Variants in DLGAP2 observed in about 807,000 individuals in gnomAD.
DLGAP2 encodes the protein disks large-associated protein 2.
DLGAP2 carries 26 observed loss-of-function variants against 100.3 expected under a neutral mutation model. That is an observed-to-expected ratio of 0.26 (90% CI 0.19 to 0.36). DLGAP2 has a LOEUF of 0.36. DLGAP2 is among the 10% of genes least tolerant of loss of function. The pLI is 1.00. For synonymous variants in DLGAP2, 886 were observed against 630.1 expected, an observed-to-expected ratio of 1.41 and a Z score of -6.08; for missense variants, 1,858 against 1,453.2, an observed-to-expected ratio of 1.28 and a Z score of -4.53.
chr8:1,590,004 G>T (rs1190515884), intron 6 of DLGAP2, among the ~76,000 whole-genome samples: 1 of 152,088 alleles, frequency 6.6e-6, no homozygotes, highest in Non-Finnish European at 1.5e-5. Context: ...TGAAATCAAG[G>T]TGTGGGCAAG....
intron 3 of DLGAP2, among the ~76,000 whole-genome samples, chr8:1,500,217 T>C (rs552350651): frequency 1.3e-5 from 2 of 152,368 alleles, no homozygotes; most frequent in South Asian, 2.1e-4. Flanking sequence ...TTCTCCCTTA[T>C]CTGATGCTCC....
chr8:1,193,873 A>G (rs866083088), intron 2 of DLGAP2, among the ~76,000 whole-genome samples: 4 of 151,972 alleles, frequency 2.6e-5, no homozygotes, highest in Non-Finnish European at 5.9e-5. Flanking sequence ...GAGCCTCCGC[A>G]CCGCGCCGCC....
At chr8:921,470 C>T (rs561209897) in intron 2 of DLGAP2, among the ~76,000 whole-genome samples, 2 of 152,158 alleles carry the variant, frequency 1.3e-5, no homozygotes, top group Non-Finnish European at 2.9e-5. Flanking sequence ...AGTGTGGATG[C>T]ACGTCTATGA....
intron 2 of DLGAP2, among the ~76,000 whole-genome samples, chr8:1,033,923 CCA>C: frequency 1.0e-5 from 1 of 97,840 alleles, no homozygotes; most frequent in Non-Finnish European, 2.1e-5. Context: ...CATCCCGACC[CCA>C]TGTGTCACCG....
chr8:1,274,695 CTTTTTTT>C lies in DLGAP2; in HGVS notation c.106+15835_106+15841del, dbSNP rs145930765. Among the ~76,000 whole-genome samples the C allele has an allele frequency of 5.7e-3, 127 of 22,218 alleles. 10 individuals are homozygous for C. Among genetic ancestry groups the C allele is most frequent in the Middle Eastern group, 0.059 (2 of 34 alleles). 14.6% of individuals were successfully genotyped at this position (22,218 alleles called of 152,430 possible). A position where few individuals can be genotyped will look rare whatever the true frequency, so the allele number is the denominator to read the frequency against. ...TTCTGAGATAGTTGTTTTCATTTATCTTTTTTTTTTTTTTTTTTTTTTTTTTTTTGCC... is the reference window on the plus strand; with the variant it reads ...TTCTGAGATAGTTGTTTTCATTTATCTTTTTTTTTTTTTTTTTTTTTTGCC... On this transcript the variant is annotated intron_variant, in intron 3 of 14. Coordinates refer to ENST00000637795, the MANE Select transcript of DLGAP2 (RefSeq NM_001346810.2).
chr8:1,602,029 G>A (rs1198181990), intron 6 of DLGAP2, among the ~76,000 whole-genome samples: 8 of 150,764 alleles, frequency 5.3e-5, no homozygotes. Flanking sequence ...TCCCTCACGA[G>A]CTGTCAGTCC....
chr8:1,297,433 C>T (rs562525145), intron 3 of DLGAP2, among the ~76,000 whole-genome samples: 1 of 149,110 alleles, frequency 6.7e-6, no homozygotes, highest in Non-Finnish European at 1.5e-5. Flanking sequence ...CGAACAGACA[C>T]CACGCGAGAC....
chr8:994,197 T>C (rs1050601033), intron 2 of DLGAP2, among the ~76,000 whole-genome samples: 2 of 152,028 alleles, frequency 1.3e-5, no homozygotes, highest in Admixed American at 6.6e-5. Context: ...CCTTATGGTG[T>C]TTTGTTTTGT....
At chr8:1,452,850 G>A (rs546680453) in intron 3 of DLGAP2, among the ~76,000 whole-genome samples, 20 of 152,280 alleles carry the variant, frequency 1.3e-4, no homozygotes, top group East Asian at 7.7e-4. Context: ...GTCTCAGGAC[G>A]GTGCCCATTA....
chr8:747,331 G>A (rs1820641754), intron 1 of DLGAP2, among the ~76,000 whole-genome samples: 2 of 152,012 alleles, frequency 1.3e-5, no homozygotes, highest in African/African-American at 2.4e-5. Context: ...GAAAACCATC[G>A]AGCCGTAGTG....
chr8:1,161,320 G>T (rs1244417892), intron 2 of DLGAP2, among the ~76,000 whole-genome samples: 1 of 152,192 alleles, frequency 6.6e-6, no homozygotes, highest in Non-Finnish European at 1.5e-5. Context: ...TTGTAGGAAA[G>T]GAGATGGTAA....
At chr8:1,272,165 T>C (rs997004063) in intron 3 of DLGAP2, among the ~76,000 whole-genome samples, 6 of 152,210 alleles carry the variant, frequency 3.9e-5, no homozygotes, top group Non-Finnish European at 7.3e-5. Context: ...ATAAGAAAGT[T>C]GATGTAATCA....
At chr8:888,673 G>T (rs1392903325) in intron 1 of DLGAP2, among the ~76,000 whole-genome samples, 4 of 151,578 alleles carry the variant, frequency 2.6e-5, no homozygotes, top group African/African-American at 4.9e-5. Flanking sequence ...GTTCACTTCA[G>T]GCCCTATTCA....
chr8:1,417,775 G>A (rs950734197), intron 3 of DLGAP2, among the ~76,000 whole-genome samples: 1 of 151,450 alleles, frequency 6.6e-6, no homozygotes, highest in Non-Finnish European at 1.5e-5. Flanking sequence ...GTCCTGGAAT[G>A]ATTTCAGAGA....
intron 3 of DLGAP2, among the ~76,000 whole-genome samples, chr8:1,417,664 A>ACCCAGCGAGG (rs1653754390): frequency 1.1e-5 from 1 of 94,392 alleles, no homozygotes; most frequent in African/African-American, 4.2e-5. Flanking sequence ...CTCCTGCCTC[A>ACCCAGCGAGG]CTCCGCGAGG....
chr8:893,301 G>A (rs1798074170), intron 1 of DLGAP2, among the ~76,000 whole-genome samples: 1 of 152,204 alleles, frequency 6.6e-6, no homozygotes, highest in South Asian at 2.1e-4. Context: ...ATGTCCGACA[G>A]CTAGGAAGGC....
At chr8:1,340,047 G>A (rs1801384026) in intron 3 of DLGAP2, among the ~76,000 whole-genome samples, 1 of 152,160 alleles carries the variant, frequency 6.6e-6, no homozygotes, top group Non-Finnish European at 1.5e-5. Flanking sequence ...CAGGACGTGT[G>A]CAGAAACTGG....
Position 1,548,693 on chromosome 8 carries a change from C to T in DLGAP2, c.240C>T (p.Ser80=), listed in dbSNP as rs966561533. The change falls in exon 5 of 15, where the codon AGC becomes AGT. Residue 80 remains serine (S), a synonymous_variant. Transcript: ENST00000637795. ...AGCGCTACTCGCCCGCGCCCAGGAG[C>T]ATGAAGGGCCTTTCCGGAAGTCGGA... The part of the protein sequence containing the change: ...NEERYSPAPR[S]MKGLSGSRTQ... The T allele has an allele frequency of 5.0e-6, 8 of 1,606,190 alleles. No homozygotes were observed. The highest frequency in any genetic ancestry group is 5.9e-6 in the Non-Finnish European group (7 of 1,177,512).
At chr8:1,666,758 A>G (rs1798553685) in intron 8 of DLGAP2, among the ~76,000 whole-genome samples, 1 of 152,082 alleles carries the variant, frequency 6.6e-6, no homozygotes, top group African/African-American at 2.4e-5. Context: ...CCTGAATGGC[A>G]GGCTTGTTTT....
Sources: gnomAD v4.1 joint callset for allele counts (sites outside exome capture counted in the v4.1 genomes callset) on GRCh38, gnomAD v4.1.1 for gene constraint, MANE v1.5 for transcripts, NCBI Gene and HGNC (gene_info 2026-07-23, HGNC 2026-07-21) for gene names.